Variants in MTHFD2L observed in about 807,000 individuals in gnomAD.
The protein encoded by MTHFD2L is methylenetetrahydrofolate dehydrogenase (NADP+ dependent) 2 like, also known as bifunctional methylenetetrahydrofolate dehydrogenase/cyclohydrolase 2, mitochondrial.
A neutral mutation model predicts 34.9 loss-of-function variants in MTHFD2L; 29 were observed. The observed-to-expected ratio is 0.83, with a 90% CI of 0.62 to 1.13. The LOEUF (loss-of-function observed/expected upper bound fraction) is 1.13. MTHFD2L is among the 50% of genes most tolerant of loss of function. The probability of loss-of-function intolerance (pLI) is 0.00; values close to 1 mark genes in which losing one functional copy is unlikely to be tolerated. For missense variants in MTHFD2L, 481 were observed against 446.5 expected, an observed-to-expected ratio of 1.08 and a Z score of -0.70; for synonymous variants, 167 against 155.7, an observed-to-expected ratio of 1.07 and a Z score of -0.54.
At chr4:74,301,423 G>A (rs1750301679) in intron 7 of MTHFD2L, among the ~76,000 whole-genome samples, 2 of 151,938 alleles carry the variant, frequency 1.3e-5, no homozygotes, top group Admixed American at 1.3e-4. Flanking sequence ...GTTTCATTAT[G>A]TAAAACAAAC....
intron 5 of MTHFD2L, among the ~76,000 whole-genome samples, chr4:74,223,857 A>C (rs1463036662): frequency 1.3e-5 from 2 of 152,016 alleles, no homozygotes; most frequent in African/African-American, 4.8e-5. Context: ...CAGTTTCATT[A>C]ATTTAGACAA....
chr4:74,239,920 C>T (rs561429305), intron 6 of MTHFD2L, among the ~76,000 whole-genome samples: 1 of 152,244 alleles, frequency 6.6e-6, no homozygotes, highest in East Asian at 1.9e-4. Flanking sequence ...CATACACTCC[C>T]AAATCCACAT....
chr4:74,172,575 GTAAAC>G (rs1728233515), intron 1 of MTHFD2L, among the ~76,000 whole-genome samples: 1 of 152,064 alleles, frequency 6.6e-6, no homozygotes, highest in Non-Finnish European at 1.5e-5. Flanking sequence ...CACTTTTATG[GTAAAC>G]TAAAGTGGTT....
intron 5 of MTHFD2L, among the ~76,000 whole-genome samples, chr4:74,215,815 A>G (rs1737115073): frequency 6.6e-6 from 1 of 151,842 alleles, no homozygotes; most frequent in African/African-American, 2.4e-5. Context: ...ATATAGGCAT[A>G]TTATTAGGTC....
At chr4:74,166,534 A>G (rs1726745363) in intron 1 of MTHFD2L, among the ~76,000 whole-genome samples, 1 of 152,228 alleles carries the variant, frequency 6.6e-6, no homozygotes, top group Admixed American at 6.5e-5. Flanking sequence ...ACAATTCACT[A>G]AAAACTTTAA....
At chr4:74,207,491 A>C (rs16850668) in intron 5 of MTHFD2L, among the ~76,000 whole-genome samples, 1,603 of 152,214 alleles carry the variant, frequency 0.011, 36 homozygotes, top group African/African-American at 0.037. Context: ...ACACTGTGGG[A>C]TACTACTGCA....
At chr4:74,283,986 C>T (rs1035410549) in intron 7 of MTHFD2L, among the ~76,000 whole-genome samples, 8 of 152,248 alleles carry the variant, frequency 5.3e-5, no homozygotes, top group African/African-American at 1.9e-4. Context: ...CAAATTGCCA[C>T]AGGGAAAGTG....
intron 3 of MTHFD2L, among the ~76,000 whole-genome samples, chr4:74,188,070 T>A (rs1255539475): frequency 6.6e-6 from 1 of 152,088 alleles, no homozygotes; most frequent in African/African-American, 2.4e-5. Flanking sequence ...CAATATAGAT[T>A]AATCTCAAAG....
intron 5 of MTHFD2L, among the ~76,000 whole-genome samples, chr4:74,212,815 T>C (rs1011609360): frequency 2.0e-5 from 3 of 152,150 alleles, no homozygotes; most frequent in African/African-American, 7.2e-5. Flanking sequence ...CCCACTATTA[T>C]TGTGTGGGAG....
chr4:74,241,233 T>C (rs1015943905), intron 6 of MTHFD2L, among the ~76,000 whole-genome samples: 1 of 152,162 alleles, frequency 6.6e-6, no homozygotes, highest in African/African-American at 2.4e-5. Context: ...GAACATTCCT[T>C]ATTGCTGAGC....
intron 6 of MTHFD2L, among the ~76,000 whole-genome samples, chr4:74,233,166 A>C (rs1196892595): frequency 2.0e-5 from 3 of 152,160 alleles, no homozygotes; most frequent in Non-Finnish European, 4.4e-5. Context: ...CAGAGAGAGG[A>C]GATAGCTGTG....
At chr4:74,151,744 T>C (rs1271341138) in intron 1 of MTHFD2L, among the ~76,000 whole-genome samples, 3 of 152,226 alleles carry the variant, frequency 2.0e-5, no homozygotes. Context: ...TAGATTATTT[T>C]AGTGAAAGTC....
intron 3 of MTHFD2L, chr4:74,195,004 G>C (rs1456007716): frequency 2.6e-5 from 4 of 152,218 alleles, no homozygotes; most frequent in Non-Finnish European, 5.9e-5. Context: ...TTTTAACAGT[G>C]AGAATGTGGT....
intron 3 of MTHFD2L, chr4:74,194,861 T>G (rs1338609796): frequency 6.6e-6 from 1 of 152,022 alleles, no homozygotes; most frequent in Non-Finnish European, 1.5e-5. Context: ...TTTTTTTGTC[T>G]ACAAATCTTC....
intron 7 of MTHFD2L, among the ~76,000 whole-genome samples, chr4:74,282,045 G>A (rs1211694190): frequency 6.6e-6 from 1 of 151,988 alleles, no homozygotes; most frequent in African/African-American, 2.4e-5. Flanking sequence ...TTGTGTTTTA[G>A]AGAGAATAAA....
intron 1 of MTHFD2L, among the ~76,000 whole-genome samples, chr4:74,140,971 A>AT (rs1352903971): frequency 6.6e-6 from 1 of 152,204 alleles, no homozygotes; most frequent in Non-Finnish European, 1.5e-5. Context: ...AGGCATGAAG[A>AT]TATTTGTGGG....
chr4:74,185,151 C>CAAAAA (rs1169021073), intron 3 of MTHFD2L, among the ~76,000 whole-genome samples: 612 of 15,956 alleles, frequency 0.038, 43 homozygotes, highest in African/African-American at 0.062. Flanking sequence ...GACTCCATCT[C>CAAAAA]AAAAAAAAAA....
At chr4:74,163,447 TG>T (rs1232282992) in intron 1 of MTHFD2L, among the ~76,000 whole-genome samples, 2 of 152,192 alleles carry the variant, frequency 1.3e-5, no homozygotes, top group Admixed American at 1.3e-4. Context: ...TTGAAAACAA[TG>T]GATATTGTTT....
At chr4:74,129,513 T>A (rs553070955) in intron 1 of MTHFD2L, among the ~76,000 whole-genome samples, 1 of 152,056 alleles carries the variant, frequency 6.6e-6, no homozygotes, top group East Asian at 1.9e-4. Context: ...AAGGCATAAA[T>A]AAATAAGTTA....
Sources: gnomAD v4.1 joint callset for allele counts (sites outside exome capture counted in the v4.1 genomes callset) on GRCh38, gnomAD v4.1.1 for gene constraint, MANE v1.5 for transcripts, NCBI Gene and HGNC (gene_info 2026-07-23, HGNC 2026-07-21) for gene names.